Variants in DYSF observed in about 807,000 individuals in gnomAD.
DYSF encodes the protein dysferlin.
DYSF carries 212 observed loss-of-function variants against 274.9 expected under a neutral mutation model. The observed-to-expected ratio is 0.77, with a 90% CI of 0.69 to 0.86. The LOEUF is 0.86. Ranked by LOEUF, DYSF falls within the 40% of genes least tolerant of loss-of-function variation. The probability of loss-of-function intolerance (pLI) is 0.00; values close to 1 mark genes in which losing one functional copy is unlikely to be tolerated. For missense variants in DYSF, 2,666 were observed against 2,783.2 expected (o/e 0.96, Z 0.95); for synonymous variants, 1,091 against 1,078.7 (o/e 1.01, Z -0.22).
chr2:71,504,240 C>T (rs991619487), intron 4 of DYSF, among the ~76,000 whole-genome samples: 3 of 152,116 alleles, frequency 2.0e-5, no homozygotes, highest in Non-Finnish European at 4.4e-5. Flanking sequence ...CCCCTAGACC[C>T]TCTGGTGGAA....
chr2:71,610,002 T>C (rs1311470237), intron 36 of DYSF, among the ~76,000 whole-genome samples: 1 of 152,200 alleles, frequency 6.6e-6, no homozygotes, highest in African/African-American at 2.4e-5. Flanking sequence ...ATAGTTAACA[T>C]TTCCGGAGTG....
Position 71,481,875 on chromosome 2 carries a change from C to T in DYSF, c.148-4C>T. On this transcript the variant is annotated splice_polypyrimidine_tract_variant and splice_region_variant and intron_variant, in intron 2 of 55. Transcript: ENST00000410020. ...TTAAGATGCCTTTTCTCTTTTTCTT[C>T]CAGGGATTTGAATGGGACCTCAAGG... is the stretch of plus-strand genomic sequence containing the variant. 2 of 1,613,624 alleles carry T rather than the reference C, an allele frequency of 1.2e-6. No homozygotes were observed. The highest frequency in any genetic ancestry group is 1.7e-6 in the Non-Finnish European group (2 of 1,179,576).
chr2:71,680,364 G>A (rs908827942), intron 53 of DYSF, among the ~76,000 whole-genome samples: 8 of 152,136 alleles, frequency 5.3e-5, no homozygotes, highest in African/African-American at 1.9e-4. Flanking sequence ...TCTGCTGGGA[G>A]CACTAATGGT....
rs535278343 is a variant in DYSF at position 71,646,673 on chromosome 2, A to C, written c.4626+2610A>C. The stretch of plus-strand genomic sequence containing the variant: ...AAATAAAGGAACAAAAGACACAACA[A>C]GAAAGCATTAAAAACAGAAACCACA... On this transcript the variant is annotated intron_variant, in intron 42 of 55. Transcript: ENST00000410020. 9.3e-4 allele frequency among the ~76,000 whole-genome samples: 141 copies of C among 152,312 alleles called. 1 individual carries two copies. The highest frequency in any genetic ancestry group is 3.2e-3 in the African/African-American group (131 of 41,576).
intron 22 of DYSF, 36 bp downstream of exon 22, chr2:71,556,107 C>T (rs774235706): frequency 2.0e-6 from 3 of 1,512,346 alleles, no homozygotes; most frequent in African/African-American, 1.4e-5. Context: ...GCCCACCTCT[C>T]CTGGCTCAAC....
intron 55 of DYSF, 92 bp downstream of exon 55, chr2:71,682,769 A>G: frequency 1.3e-6 from 2 of 1,523,054 alleles, no homozygotes; most frequent in Non-Finnish European, 1.8e-6. Flanking sequence ...AGTCTAATGG[A>G]GAGAAGTAAC....
rs1131691651 is a variant in DYSF, at chr2:71,526,343, C to T, written c.1273C>T (p.Gln425Ter). 8 of 1,609,276 alleles carry T rather than the reference C, an allele frequency of 5.0e-6. No homozygotes were observed. The highest frequency in any genetic ancestry group is 1.4e-5 in the African/African-American group (1 of 73,984). Residue 425 changes from glutamine (Q) to a stop codon, truncating the protein, a stop_gained, in exon 13 of 56, where the codon CAG (glutamine) becomes TAG (stop). Coordinates refer to ENST00000410020, the MANE Select transcript of DYSF (RefSeq NM_001130987.2). LOFTEE classifies it high-confidence loss of function. ...GGTCTTCCGGGCCGAGGACTTGCCG[C>T]AGAGTGCGTGGGGCGCGCCCTTGGG... ...LKVFRAEDLPQMDDAVMDNVK... is the reference protein window; with the variant it reads ...LKVFRAEDLP
At chr2:71,566,027 CCCCCAT>C (rs540238409) in intron 24 of DYSF, among the ~76,000 whole-genome samples, 154 of 152,304 alleles carry the variant, frequency 1.0e-3, no homozygotes, top group Middle Eastern at 6.8e-3. Context: ...CAGCAGGCTG[CCCCCAT>C]CCACCTGCTC....
chr2:71,453,982 C>T (rs747753733), exon 1 of DYSF: 3 of 1,613,640 alleles, frequency 1.9e-6, no homozygotes, highest in Non-Finnish European at 1.7e-6. Context: ...GCGCACGGGG[C>T]CCTACACGCG....
At chr2:71,559,159 G>A (rs2091545606) in intron 22 of DYSF, among the ~76,000 whole-genome samples, 1 of 152,146 alleles carries the variant, frequency 6.6e-6, no homozygotes, top group Non-Finnish European at 1.5e-5. Flanking sequence ...CCTCTTCTCT[G>A]ATCTCTAGAC....
At chr2:71,510,207 C>G (rs1465502010) in intron 4 of DYSF, among the ~76,000 whole-genome samples, 2 of 152,256 alleles carry the variant, frequency 1.3e-5, no homozygotes, top group Non-Finnish European at 2.9e-5. Flanking sequence ...AAGAGCCCAA[C>G]TTACCTTTTG....
chr2:71,667,641 T>C (rs2095040331), intron 48 of DYSF, 126 bp downstream of exon 48: 2 of 1,425,116 alleles, frequency 1.4e-6, no homozygotes, highest in Admixed American at 4.0e-5. Flanking sequence ...CCTTGACCCA[T>C]TTCTTCACAG....
intron 17 of DYSF, among the ~76,000 whole-genome samples, chr2:71,544,957 C>T (rs1215814646): frequency 2.0e-5 from 3 of 152,184 alleles, no homozygotes; most frequent in African/African-American, 7.2e-5. Context: ...AGAGTCCTGG[C>T]AGGCGACAAA....
intron 30 of DYSF, among the ~76,000 whole-genome samples, chr2:71,581,189 A>G (rs2092883206): frequency 6.6e-6 from 1 of 152,090 alleles, no homozygotes; most frequent in Non-Finnish European, 1.5e-5. Flanking sequence ...AGACATGGAA[A>G]CCCTAGAGGG....
intron 1 of DYSF, among the ~76,000 whole-genome samples, chr2:71,459,073 C>G (rs868521678): frequency 1.3e-5 from 2 of 152,192 alleles, no homozygotes; most frequent in Non-Finnish European, 2.9e-5. Flanking sequence ...GGATATCCGC[C>G]GGACACATAT....
At chr2:71,492,232 C>A (rs10199721) in intron 3 of DYSF, among the ~76,000 whole-genome samples, 1,742 of 152,250 alleles carry the variant, frequency 0.011, 41 homozygotes, top group African/African-American at 0.04. Flanking sequence ...AGATACTGGC[C>A]GGAAGGCTGC....
chr2:71,483,635 C>G (rs1370764695), intron 3 of DYSF, among the ~76,000 whole-genome samples: 2 of 152,220 alleles, frequency 1.3e-5, no homozygotes, highest in African/African-American at 4.8e-5. Flanking sequence ...AGTCACACAA[C>G]TGCCACACAG....
intron 1 of DYSF, among the ~76,000 whole-genome samples, chr2:71,455,242 C>T (rs532402731): frequency 6.6e-6 from 1 of 152,328 alleles, no homozygotes; most frequent in African/African-American, 2.4e-5. Flanking sequence ...GTGTCCAGCT[C>T]AGCATGAGCA....
At chr2:71,673,259 T>C (rs561405697) in intron 51 of DYSF, among the ~76,000 whole-genome samples, 2 of 152,084 alleles carry the variant, frequency 1.3e-5, no homozygotes, top group Non-Finnish European at 2.9e-5. Flanking sequence ...GTGCTGTGGG[T>C]TGAGTGTGGC....
Sources: allele counts gnomAD v4.1 joint callset (sites outside exome capture counted in the v4.1 genomes callset), GRCh38; gene constraint gnomAD v4.1.1; transcripts MANE v1.5; gene names NCBI Gene and HGNC (gene_info 2026-07-23, HGNC 2026-07-21).